Variants in C16orf87 observed in about 807,000 individuals in gnomAD.
C16orf87 encodes the protein UPF0547 protein C16orf87.
In C16orf87, 13 loss-of-function variants were observed where a neutral mutation model predicts 21.0. The observed-to-expected ratio is 0.62, with a 90% CI of 0.40 to 0.98. C16orf87 has a LOEUF of 0.98. C16orf87 is among the 50% of genes least tolerant of loss of function. The probability of loss-of-function intolerance (pLI) is 0.00; values close to 1 mark genes in which losing one functional copy is unlikely to be tolerated. For missense variants in C16orf87, 113 were observed against 180.4 expected (o/e 0.63, Z 2.14); for synonymous variants, 49 against 60.2 (o/e 0.81, Z 0.86).
chr16:46,818,795 TCCTCCCA>T (rs1959297933), intron 2 of C16orf87, among the ~76,000 whole-genome samples: 1 of 152,066 alleles, frequency 6.6e-6, no homozygotes, highest in South Asian at 2.1e-4. Flanking sequence ...GCTCAAGCAA[TCCTCCCA>T]CCTCAGCCTC....
chr16:46,825,914 CAAAAAAAA>C (rs918103053), intron 1 of C16orf87, among the ~76,000 whole-genome samples: 2 of 75,450 alleles, frequency 2.7e-5, no homozygotes, highest in Admixed American at 3.1e-4. Context: ...GACTCTGTCT[CAAAAAAAA>C]AAAAAAAAAA....
chr16:46,799,743 AC>A lies in C16orf87; in HGVS notation c.*3208del, dbSNP rs1256388099. ...AGATCATCACTCACTGCAGCCTCGA[AC>A]TCCTGGGCTCAAGTGATCCTTTAGC... On this transcript the variant is annotated 3_prime_UTR_variant, in exon 4 of 4. Coordinates refer to ENST00000285697, the MANE Select transcript of C16orf87 (RefSeq NM_001001436.4). 1.3e-5 allele frequency: 2 copies of A among 152,088 alleles called. No homozygotes were observed. The highest frequency in any genetic ancestry group is 2.9e-5 in the Non-Finnish European group (2 of 68,022). The allele number at this position is 152,088 out of a possible 1,614,324, so 9.4% of individuals were successfully genotyped here.
chr16:46,807,942 T>C, intron 3 of C16orf87: 1 of 441,408 alleles, frequency 2.3e-6, no homozygotes, highest in Non-Finnish European at 4.5e-6. Flanking sequence ...ATGGTCATTA[T>C]CTGCTTTCTC....
intron 2 of C16orf87, among the ~76,000 whole-genome samples, chr16:46,814,731 G>C (rs973513445): frequency 6.6e-6 from 1 of 152,090 alleles, no homozygotes; most frequent in South Asian, 2.1e-4. Context: ...ATAGTCAAGA[G>C]AAGAGCCAAA....
chr16:46,811,665 A>G (rs1434781511), intron 2 of C16orf87, among the ~76,000 whole-genome samples: 1 of 152,188 alleles, frequency 6.6e-6, no homozygotes, highest in African/African-American at 2.4e-5. Context: ...TTCAAGGAAT[A>G]TGTTAAGTGA....
At chr16:46,809,815 T>G in intron 2 of C16orf87, 30 bp from the exon 3 acceptor site, 1 of 1,474,412 alleles carries the variant, frequency 6.8e-7, no homozygotes, top group Non-Finnish European at 9.3e-7. Context: ...TGATATATTT[T>G]AGGGCTTAGC....
intron 1 of C16orf87, among the ~76,000 whole-genome samples, chr16:46,829,375 AAC>A (rs1959758003): frequency 6.6e-6 from 1 of 152,198 alleles, no homozygotes; most frequent in South Asian, 2.1e-4. Context: ...TGTTTTGTTG[AAC>A]AGTTTTTCAG....
chr16:46,830,254 T>TA (rs1386580734), intron 1 of C16orf87, among the ~76,000 whole-genome samples: 8 of 51,940 alleles, frequency 1.5e-4, no homozygotes, highest in Admixed American at 1.5e-3. Context: ...GATAGAGAGA[T>TA]AGAGAGAGAC....
chr16:46,823,020 G>A (rs1959479843), intron 2 of C16orf87, among the ~76,000 whole-genome samples: 2 of 152,146 alleles, frequency 1.3e-5, no homozygotes, highest in Admixed American at 6.5e-5. Flanking sequence ...TATAAAAAAT[G>A]TTTTCCAACC....
intron 2 of C16orf87, among the ~76,000 whole-genome samples, chr16:46,815,377 G>GAA (rs71134503): frequency 8.4e-6 from 1 of 119,038 alleles, no homozygotes; most frequent in South Asian, 2.6e-4. Context: ...AGCAATGAAA[G>GAA]AAAAAAAAAA....
chr16:46,820,442 C>G (rs1959374513), intron 2 of C16orf87, among the ~76,000 whole-genome samples: 1 of 152,096 alleles, frequency 6.6e-6, no homozygotes, highest in South Asian at 2.1e-4. Flanking sequence ...TAAAAACAAA[C>G]AAGCTCATAT....
In C16orf87 at chr16:46,801,077, CT is replaced by C; in HGVS notation, c.*1874del. On this transcript the variant is annotated 3_prime_UTR_variant, in exon 4 of 4. Transcript: ENST00000285697. ...ATTCCACAAGCTGTTCTTGCTTTTTCTGAGGACATATATATGTATACAAGCA... is the reference window on the plus strand; with the variant it reads ...ATTCCACAAGCTGTTCTTGCTTTTTCGAGGACATATATATGTATACAAGCA... The C allele has an allele frequency of 6.6e-6, 1 of 152,282 alleles. No individual in the cohort carries two copies. The highest frequency in any genetic ancestry group is 6.5e-5 in the Admixed American group (1 of 15,306). The allele number at this position is 152,282 out of a possible 1,614,324, so 9.4% of individuals were successfully genotyped here. A position where few individuals can be genotyped will look rare whatever the true frequency, so the allele number is the denominator to read the frequency against.
At chr16:46,813,756 ATAAGCCTTTTTTTCT>A (rs1968165624) in intron 2 of C16orf87, among the ~76,000 whole-genome samples, 1 of 152,282 alleles carries the variant, frequency 6.6e-6, no homozygotes, top group Admixed American at 6.5e-5. Flanking sequence ...TCTTCATAAG[ATAAGCCTTTTTTTCT>A]CTTCAGATAT....
intron 1 of C16orf87, among the ~76,000 whole-genome samples, chr16:46,829,294 T>A (rs1400667323): frequency 1.3e-5 from 2 of 152,138 alleles, no homozygotes; most frequent in African/African-American, 4.8e-5. Flanking sequence ...TGATTTTATA[T>A]GAAAGAATAA....
chr16:46,803,054 T>C lies in C16orf87; in HGVS notation c.363A>G (p.Glu121=). ...HEEEREKQEK[E]IDIYANLSDE... ...CAGACAGGTTAGCATAGATGTCAAT[T>C]TCCTTTTCCTGTTTCTCTGTTAAAA... The change falls in exon 4 of 4, where the codon GAA becomes GAG. Residue 121 remains glutamate, a synonymous_variant. Transcript: ENST00000285697. The C allele has an allele frequency of 6.4e-7, 1 of 1,570,210 alleles. No individual in the cohort carries two copies. The highest frequency in any genetic ancestry group is 8.7e-7 in the Non-Finnish European group (1 of 1,147,110).
At chr16:46,810,598 A>C (rs532258841) in intron 2 of C16orf87, among the ~76,000 whole-genome samples, 3 of 152,224 alleles carry the variant, frequency 2.0e-5, no homozygotes, top group African/African-American at 7.2e-5. Flanking sequence ...AAACAGAAAA[A>C]TTCATATCCA....
intron 3 of C16orf87, among the ~76,000 whole-genome samples, chr16:46,806,081 CCT>C (rs1365068567): frequency 6.6e-6 from 1 of 152,004 alleles, no homozygotes; most frequent in African/African-American, 2.4e-5. Context: ...TGCAAACAAT[CCT>C]CTCATTTTTA....
At chr16:46,812,945 C>T (rs1360088173) in intron 2 of C16orf87, among the ~76,000 whole-genome samples, 5 of 152,122 alleles carry the variant, frequency 3.3e-5, no homozygotes, top group Non-Finnish European at 7.4e-5. Context: ...CTCAGGCTCC[C>T]CCAGTTTCTT....
intron 3 of C16orf87, among the ~76,000 whole-genome samples, chr16:46,808,912 G>A (rs1424422146): frequency 2.0e-5 from 3 of 148,284 alleles, no homozygotes; most frequent in Admixed American, 1.4e-4. Flanking sequence ...ATCTCCCAAT[G>A]AGCAATTAAA....
Sources: allele counts gnomAD v4.1 joint callset (sites outside exome capture counted in the v4.1 genomes callset), GRCh38; gene constraint gnomAD v4.1.1; transcripts MANE v1.5; gene names NCBI Gene and HGNC (gene_info 2026-07-23, HGNC 2026-07-21).